Variants in GALNT13 observed in about 807,000 individuals in gnomAD.
GALNT13 encodes polypeptide N-acetylgalactosaminyltransferase 13, also known as UDP-GalNAc:polypeptide N-acetylgalactosaminyltransferase 13.
GALNT13 carries 28 observed loss-of-function variants against 64.2 expected under a neutral mutation model. The ratio of observed to expected loss-of-function variants is 0.44; its 90% confidence interval spans 0.32 to 0.60. GALNT13 has a LOEUF of 0.60. GALNT13 is among the 20% of genes least tolerant of loss of function. The probability of loss-of-function intolerance (pLI) is 0.05; values close to 1 mark genes in which losing one functional copy is unlikely to be tolerated. For missense variants in GALNT13, 577 were observed against 669.8 expected (o/e 0.86, Z 1.53); for synonymous variants, 214 against 224.6 (o/e 0.95, Z 0.42).
At chr2:154,176,197 A>G (rs747758956) in intron 4 of GALNT13, among the ~76,000 whole-genome samples, 27 of 151,788 alleles carry the variant, frequency 1.8e-4, no homozygotes, top group Non-Finnish European at 3.5e-4. Context: ...AGAAGTCAGC[A>G]TGATGCAGAG....
the GALNT13 span, among the ~76,000 whole-genome samples, chr2:153,134,221 C>G: frequency 1.3e-5 from 2 of 151,882 alleles, no homozygotes; most frequent in Non-Finnish European, 2.9e-5. Context: ...CATCCAATGT[C>G]TCTTACTTAA....
At chr2:153,696,506 C>A in the GALNT13 span, among the ~76,000 whole-genome samples, 17 of 152,236 alleles carry the variant, frequency 1.1e-4, no homozygotes, top group African/African-American at 4.1e-4. Context: ...TCAATATTAA[C>A]CATCACACCT....
chr2:153,343,190 T>C, the GALNT13 span, among the ~76,000 whole-genome samples: 1 of 152,142 alleles, frequency 6.6e-6, no homozygotes, highest in Non-Finnish European at 1.5e-5. Context: ...ACAGGAAAAA[T>C]GGCCATGCGT....
chr2:154,442,424 A>G (rs1559157618), intron 12 of GALNT13, among the ~76,000 whole-genome samples: 2 of 152,100 alleles, frequency 1.3e-5, no homozygotes, highest in Non-Finnish European at 1.5e-5. Context: ...AATTCAATTC[A>G]CTGTCATCTT....
the GALNT13 span, among the ~76,000 whole-genome samples, chr2:153,572,391 C>CAA: frequency 2.0e-5 from 3 of 148,300 alleles, no homozygotes; most frequent in Non-Finnish European, 4.5e-5. Context: ...TTTAATGTTT[C>CAA]AAAAAAACAA....
chr2:154,111,428 A>G (rs57955902), intron 3 of GALNT13, among the ~76,000 whole-genome samples: 27,746 of 152,132 alleles, frequency 0.18, 4,644 homozygotes, highest in East Asian at 0.74. Flanking sequence ...GTCCGGGTCA[A>G]TCACCCCAGC....
intron 3 of GALNT13, among the ~76,000 whole-genome samples, chr2:154,025,110 G>A (rs1697851679): frequency 6.6e-6 from 1 of 152,112 alleles, no homozygotes; most frequent in African/African-American, 2.4e-5. Flanking sequence ...CCTACTGGGG[G>A]GTGCCTCCCA....
the GALNT13 span, among the ~76,000 whole-genome samples, chr2:153,106,246 A>G: frequency 6.6e-6 from 1 of 152,206 alleles, no homozygotes; most frequent in Non-Finnish European, 1.5e-5. Context: ...TTTCCAAAAA[A>G]TTATGATAAA....
intron 4 of GALNT13, among the ~76,000 whole-genome samples, chr2:154,190,302 A>T (rs1292686471): frequency 6.6e-6 from 1 of 152,324 alleles, no homozygotes; most frequent in East Asian, 1.9e-4. Flanking sequence ...AATCAGAGTT[A>T]AGTTTTTCTG....
chr2:154,397,232 GA>G (rs1699097099), intron 10 of GALNT13, among the ~76,000 whole-genome samples: 1 of 151,178 alleles, frequency 6.6e-6, no homozygotes, highest in South Asian at 2.1e-4. Flanking sequence ...CCAGGAGATC[GA>G]CACCATCCTG....
At chr2:153,790,006 A>G in the GALNT13 span, among the ~76,000 whole-genome samples, 1 of 152,178 alleles carries the variant, frequency 6.6e-6, no homozygotes, top group Non-Finnish European at 1.5e-5. Flanking sequence ...CCAGATGTAC[A>G]AAGAAGAGCT....
the GALNT13 span, among the ~76,000 whole-genome samples, chr2:153,856,306 T>G: frequency 6.6e-6 from 1 of 152,164 alleles, no homozygotes; most frequent in African/African-American, 2.4e-5. Flanking sequence ...GATAGATAGT[T>G]GTTTTAAAGT....
intron 9 of GALNT13, among the ~76,000 whole-genome samples, chr2:154,383,145 G>A (rs1041600200): frequency 5.3e-5 from 8 of 152,020 alleles, no homozygotes; most frequent in African/African-American, 1.9e-4. Context: ...TACAACAGAA[G>A]TACACAATCC....
chr2:153,206,119 A>G, the GALNT13 span, among the ~76,000 whole-genome samples: 2 of 152,106 alleles, frequency 1.3e-5, no homozygotes, highest in African/African-American at 4.8e-5. Flanking sequence ...CTTTCAGTCA[A>G]TAGAGCCAAA....
At chr2:153,571,532 T>C in the GALNT13 span, among the ~76,000 whole-genome samples, 2 of 152,046 alleles carry the variant, frequency 1.3e-5, no homozygotes, top group Non-Finnish European at 2.9e-5. Flanking sequence ...TTCCAGATAT[T>C]AGAGGAAAGG....
At chr2:153,183,381 C>T in the GALNT13 span, among the ~76,000 whole-genome samples, 1 of 151,986 alleles carries the variant, frequency 6.6e-6, no homozygotes, top group Non-Finnish European at 1.5e-5. Flanking sequence ...AGACCTTTGT[C>T]AGATGGATAG....
rs778307532 is a variant in GALNT13, at chr2:153,936,120, G to A, written c.-104-8274G>A. Reference sequence around the variant, plus strand: ...GTCTGTGTCTGCAGTTTCTGCATTCGCAGATTCAAGTAACCTTGGATTGAA... The same window carrying A: ...GTCTGTGTCTGCAGTTTCTGCATTCACAGATTCAAGTAACCTTGGATTGAA... On this transcript the variant is annotated intron_variant, in intron 2 of 12. Transcript: ENST00000392825. Among the ~76,000 whole-genome samples the A allele has an allele frequency of 3.3e-5, 5 of 152,276 alleles. No individual in the cohort carries two copies. The East Asian group carries it at 7.7e-4, about 24-fold the overall frequency.
At chr2:154,120,111 ATTTAAT>A (rs1397745431) in intron 3 of GALNT13, among the ~76,000 whole-genome samples, 3 of 152,016 alleles carry the variant, frequency 2.0e-5, no homozygotes, top group African/African-American at 7.2e-5. Flanking sequence ...GATCTTAACT[ATTTAAT>A]ATAGCCTGTG....
At chr2:153,890,756 A>C (rs553834631) in intron 1 of GALNT13, among the ~76,000 whole-genome samples, 1 of 152,026 alleles carries the variant, frequency 6.6e-6, no homozygotes, top group Non-Finnish European at 1.5e-5. Context: ...TTCTTTCTTC[A>C]GCACATCACT....
Sources: gnomAD v4.1 joint callset for allele counts (sites outside exome capture counted in the v4.1 genomes callset) on GRCh38, gnomAD v4.1.1 for gene constraint, MANE v1.5 for transcripts, NCBI Gene and HGNC (gene_info 2026-07-23, HGNC 2026-07-21) for gene names.